PDE4DIP: variants seen among roughly 807,000 people sequenced by gnomAD.
PDE4DIP encodes the protein phosphodiesterase 4D interacting protein, also known as myomegalin.
In PDE4DIP, 59 loss-of-function variants were observed where a neutral mutation model predicts 221.4. The ratio of observed to expected loss-of-function variants is 0.27; its 90% CI spans 0.22 to 0.33. The LOEUF (loss-of-function observed/expected upper bound fraction) is 0.33. PDE4DIP is among the 10% of genes least tolerant of loss of function. The pLI is 1.00. For missense variants in PDE4DIP, 1,036 were observed against 2,154.2 expected, an observed-to-expected ratio of 0.48 and a Z score of 10.28; for synonymous variants, 404 against 815.9, an observed-to-expected ratio of 0.50 and a Z score of 8.60.
intron 5 of PDE4DIP, chr1:148,939,938 AT>A (rs1417168592): frequency 1.3e-5 from 2 of 151,986 alleles, no homozygotes; most frequent in Non-Finnish European, 2.9e-5. Context: ...CTAACATTCT[AT>A]TTTTATCTTA....
At chr1:148,934,318 T>A (rs11581717) in intron 4 of PDE4DIP, among the ~76,000 whole-genome samples, 105,430 of 150,308 alleles carry the variant, frequency 0.7, 37,120 homozygotes, top group East Asian at 0.92. Flanking sequence ...GAACCCCAAT[T>A]AAAAAAAACT....
intron 32 of PDE4DIP, 110 bp from the exon 36 acceptor site, chr1:149,016,189 C>T: frequency 1.6e-6 from 1 of 615,920 alleles, no homozygotes; most frequent in Non-Finnish European, 2.9e-6. Flanking sequence ...GGATCTCTGA[C>T]ATTCCACATG....
At chr1:149,031,871 C>T (rs1184618942) in intron 43 of PDE4DIP, 73 bp from the exon 47 acceptor site, 6 of 1,469,694 alleles carry the variant, frequency 4.1e-6, no homozygotes, top group African/African-American at 1.4e-5. Context: ...GTAGCTCTCA[C>T]TCCAGCTTCA....
chr1:148,818,045 G>C (rs1553357505), intron 1 of PDE4DIP, among the ~76,000 whole-genome samples: 2 of 150,010 alleles, frequency 1.3e-5, no homozygotes, highest in Admixed American at 6.6e-5. Context: ...TCAAACTTCT[G>C]ACCTCAGGTG....
chr1:148,934,192 G>T (rs1553473110), intron 4 of PDE4DIP, among the ~76,000 whole-genome samples: 1 of 151,830 alleles, frequency 6.6e-6, no homozygotes, highest in East Asian at 1.9e-4. Flanking sequence ...TGTGATAGCA[G>T]AATGAAGTTT....
At chr1:148,970,187 C>T (rs1473600620) in intron 14 of PDE4DIP, among the ~76,000 whole-genome samples, 2 of 149,086 alleles carry the variant, frequency 1.3e-5, no homozygotes, top group Non-Finnish European at 3.0e-5. Flanking sequence ...CTTATGTTTT[C>T]TTATGTTGTG....
intron 22 of PDE4DIP, among the ~76,000 whole-genome samples, chr1:148,997,905 C>G (rs1436764784): frequency 2.0e-5 from 3 of 152,294 alleles, no homozygotes; most frequent in Non-Finnish European, 4.4e-5. Flanking sequence ...CCCTCACCAT[C>G]TCTGGATTCT....
chr1:148,915,250 C>T (rs587735288), intron 1 of PDE4DIP, among the ~76,000 whole-genome samples: 235 of 152,196 alleles, frequency 1.5e-3, no homozygotes, highest in African/African-American at 4.9e-3. Flanking sequence ...TGGGTTCAAG[C>T]GATCCTCCTG....
chr1:148,923,885 G>C (rs1315475416), intron 1 of PDE4DIP, among the ~76,000 whole-genome samples: 2 of 147,898 alleles, frequency 1.4e-5, no homozygotes, highest in African/African-American at 2.6e-5. Context: ...GAGGAAATTA[G>C]GTTGTAAAAG....
intron 4 of PDE4DIP, 63 bp from the exon 8 acceptor site, chr1:148,937,684 A>G (rs2049522074): frequency 2.6e-6 from 2 of 775,868 alleles, no homozygotes; most frequent in Admixed American, 3.8e-5. Context: ...GAATGGGCTG[A>G]AAAAATAAGG....
At chr1:149,005,946 A>G (rs189476921) in intron 27 of PDE4DIP, among the ~76,000 whole-genome samples, 3 of 152,198 alleles carry the variant, frequency 2.0e-5, no homozygotes, top group African/African-American at 7.2e-5. Flanking sequence ...CAGCCTACCC[A>G]ACACGGTGAA....
chr1:148,933,187 A>C (rs2048455594), intron 4 of PDE4DIP, among the ~76,000 whole-genome samples: 1 of 152,098 alleles, frequency 6.6e-6, no homozygotes. Flanking sequence ...TGAAGGATGA[A>C]TAGGAGGTAG....
chr1:148,859,538 G>A (rs1683087517), intron 1 of PDE4DIP, among the ~76,000 whole-genome samples: 1 of 152,162 alleles, frequency 6.6e-6, no homozygotes, highest in South Asian at 2.1e-4. Context: ...GTAAGACATT[G>A]AGGAAAAATA....
intron 22 of PDE4DIP, chr1:148,992,439 T>G: frequency 7.0e-7 from 1 of 1,420,050 alleles, no homozygotes; most frequent in Middle Eastern, 2.6e-4. Context: ...CAAGAATCTT[T>G]CTCAGTGAAA....
At chr1:148,855,947 C>T (rs1553394215) in intron 1 of PDE4DIP, among the ~76,000 whole-genome samples, 1 of 128,202 alleles carries the variant, frequency 7.8e-6, no homozygotes, top group African/African-American at 2.7e-5. Flanking sequence ...ACCACCTTTC[C>T]CGCGTTTCAG....
chr1:149,020,852 A>G, intron 36 of PDE4DIP, 177 bp from the exon 40 acceptor site: 1 of 576,678 alleles, frequency 1.7e-6, no homozygotes, highest in Non-Finnish European at 3.1e-6. Context: ...CCATTTCCAT[A>G]TCTGCGAAAT....
At position 149,023,604 on chromosome 1, in the gene PDE4DIP, A is replaced by G. The variant is rs1300244078; in HGVS notation, c.6086-841A>G. Among the ~76,000 whole-genome samples, 295 of 136,742 alleles carry G rather than the reference A, an allele frequency of 2.2e-3. 15 individuals carry two copies. Among genetic ancestry groups the G allele is most frequent in the African/African-American group, 8.0e-3 (275 of 34,408 alleles). 89.7% of individuals were successfully genotyped at this position (136,742 alleles called of 152,430 possible). On this transcript the variant is annotated intron_variant, in intron 37 of 43. Transcript: ENST00000369354. The stretch of plus-strand genomic sequence containing the variant: ...GTACATGTCATATATGTACATGTAT[A>G]TGTGTGCACATATATATGTACATGT...
chr1:149,014,976 C>T (rs1455869944), intron 32 of PDE4DIP, among the ~76,000 whole-genome samples: 2 of 151,392 alleles, frequency 1.3e-5, no homozygotes, highest in Admixed American at 1.3e-4. Context: ...TCTCCCTTTG[C>T]CTTGTGTTCG....
chr1:148,859,944 C>T (rs1206091030), intron 1 of PDE4DIP, among the ~76,000 whole-genome samples: 1 of 91,866 alleles, frequency 1.1e-5, no homozygotes, highest in Non-Finnish European at 2.3e-5. Context: ...TAGACTTATA[C>T]TCTGTGTTTC....
Sources: allele counts gnomAD v4.1 joint callset (sites outside exome capture counted in the v4.1 genomes callset), GRCh38; gene constraint gnomAD v4.1.1; transcripts MANE v1.5; gene names NCBI Gene and HGNC (gene_info 2026-07-23, HGNC 2026-07-21).